The following RGS3 variants were observed in gnomAD, a reference collection of about 807,000 sequenced individuals.
RGS3 encodes the protein regulator of G-protein signalling 3.
Under a neutral mutation model 132.6 loss-of-function variants are expected in RGS3, and 80 were observed. The ratio of observed to expected loss-of-function variants is 0.60; its 90% CI spans 0.50 to 0.73. RGS3 has a LOEUF of 0.73. Among genes scored for constraint, RGS3 ranks in the 30% least tolerant of loss-of-function variants. The probability of loss-of-function intolerance (pLI) is 0.00; values close to 1 mark genes in which losing one functional copy is unlikely to be tolerated. For synonymous variants in RGS3, 598 were observed against 620.6 expected, an observed-to-expected ratio of 0.96 and a Z score of 0.54; for missense variants, 1,382 against 1,530.8, an observed-to-expected ratio of 0.90 and a Z score of 1.62.
intron 6 of RGS3, 59 bp from the exon 5 acceptor site, chr9:113,485,566 C>T: frequency 7.3e-7 from 1 of 1,362,176 alleles, no homozygotes; most frequent in Non-Finnish European, 1.0e-6. Context: ...CTCTATGAGT[C>T]AGCTATGGCC....
At chr9:113,517,507 T>C (rs1302202210) in intron 15 of RGS3, 34 bp from the exon 14 acceptor site, 2 of 1,592,362 alleles carry the variant, frequency 1.3e-6, no homozygotes, top group Non-Finnish European at 1.7e-6. Context: ...CCAGCCTCTT[T>C]TTGAACTGCC....
At chr9:113,573,478 G>A (rs570290011) in intron 19 of RGS3, among the ~76,000 whole-genome samples, 7 of 152,302 alleles carry the variant, frequency 4.6e-5, no homozygotes, top group African/African-American at 7.2e-5. Context: ...TGAGGGAGGC[G>A]GCACATGGAT....
intron 18 of RGS3, among the ~76,000 whole-genome samples, chr9:113,532,501 C>G (rs1255463525): frequency 6.6e-6 from 1 of 152,120 alleles, no homozygotes; most frequent in Middle Eastern, 3.2e-3. Context: ...GCTCTGAGAG[C>G]CAGAGACCCA....
chr9:113,528,574 C>G (rs1832323412), intron 17 of RGS3, among the ~76,000 whole-genome samples: 1 of 152,200 alleles, frequency 6.6e-6, no homozygotes, highest in African/African-American at 2.4e-5. Flanking sequence ...ACCTTAGCTC[C>G]TCTGCTGAAG....
intron 19 of RGS3, chr9:113,581,620 GT>G (rs961837294): frequency 6.6e-6 from 1 of 152,264 alleles, no homozygotes; most frequent in African/African-American, 2.4e-5. Flanking sequence ...AGGCATGCTG[GT>G]TATCCCATTT....
At position 113,591,402 on chromosome 9, in the gene RGS3, G is replaced by A. The variant is rs370071045; in HGVS notation, c.3080+5G>A. On this transcript the variant is annotated splice_donor_5th_base_variant and intron_variant, in intron 21 of 24. Transcript: ENST00000350696. The surrounding 1 kb of genome is among the most constrained non-coding windows in gnomAD (Gnocchi z 4.4). ...GAAGAGAAAGAGCAAAAACCTGTACGTTGGGAAGATCCCTGGCTTCTGCGC... is the reference window on the plus strand; with the variant it reads ...GAAGAGAAAGAGCAAAAACCTGTACATTGGGAAGATCCCTGGCTTCTGCGC... The A allele has an allele frequency of 1.9e-6, 3 of 1,612,862 alleles. No individual in the cohort carries two copies. The highest frequency in any genetic ancestry group is 1.3e-5 in the African/African-American group (1 of 75,016).
intron 19 of RGS3, chr9:113,541,220 G>T (rs1832888155): frequency 2.4e-6 from 3 of 1,263,324 alleles, no homozygotes; most frequent in South Asian, 2.9e-5. Context: ...AGATGCCAGG[G>T]TGTGTGAGTG....
chr9:113,461,011 G>C (rs1438516372), intron 1 of RGS3, among the ~76,000 whole-genome samples: 1 of 152,160 alleles, frequency 6.6e-6, no homozygotes, highest in Non-Finnish European at 1.5e-5. Flanking sequence ...TCAGTGTGAT[G>C]TGTGCTTATA....
At chr9:113,583,678 C>T (rs756466038) in exon 20 of RGS3, 1 of 1,614,054 alleles carries the variant, frequency 6.2e-7, no homozygotes, top group East Asian at 2.2e-5. Flanking sequence ...CCCTCCAGGC[C>T]CAGATGCTCC....
chr9:113,552,399 A>G (rs1486334234), intron 19 of RGS3, among the ~76,000 whole-genome samples: 1 of 151,656 alleles, frequency 6.6e-6, no homozygotes. Context: ...TCATTGCAAG[A>G]CCCGCCTCCC....
At chr9:113,555,471 TA>T (rs950448079) in intron 19 of RGS3, among the ~76,000 whole-genome samples, 2 of 148,032 alleles carry the variant, frequency 1.4e-5, no homozygotes, top group African/African-American at 5.1e-5. Flanking sequence ...CGGTTGTGAC[TA>T]TTTTTTTTTT....
intron 14 of RGS3, among the ~76,000 whole-genome samples, 168 bp downstream of exon 12, chr9:113,508,748 G>A (rs1220945071): frequency 1.3e-5 from 2 of 152,164 alleles, no homozygotes; most frequent in East Asian, 3.8e-4. Context: ...TCTCCCTCAC[G>A]GAACCAATGT....
At chr9:113,586,751 C>T (rs1445633277) in intron 20 of RGS3, among the ~76,000 whole-genome samples, 21 of 152,248 alleles carry the variant, frequency 1.4e-4, no homozygotes, top group Admixed American at 1.4e-3. Flanking sequence ...ACACCGTGGT[C>T]TAGCTCCATC....
At chr9:113,458,320 C>G (rs372848108), upstream of RGS3, among the ~76,000 whole-genome samples, 1 of 152,208 alleles carries the variant, frequency 6.6e-6, no homozygotes, top group Non-Finnish European at 1.5e-5. Flanking sequence ...AAAATGCATC[C>G]TTAGCTCACC....
chr9:113,584,092 G>C (rs1011650613), exon 20 of RGS3: 3 of 1,614,242 alleles, frequency 1.9e-6, no homozygotes, highest in Non-Finnish European at 2.5e-6. Flanking sequence ...GGGGGAGGAA[G>C]GGGAGGAGGA....
intron 19 of RGS3, among the ~76,000 whole-genome samples, chr9:113,567,428 G>A (rs112205426): frequency 0.039 from 5,977 of 152,294 alleles, 160 homozygotes; most frequent in South Asian, 0.1. Context: ...TTGGAGAGGG[G>A]CGTTGCATTG....
In RGS3 at chr9:113,506,555, G is replaced by A; in HGVS notation, c.1085+62G>A. 1 of 1,129,900 alleles carries A rather than the reference G, an allele frequency of 8.9e-7. No homozygotes were observed. The highest frequency in any genetic ancestry group is 1.3e-6 in the Non-Finnish European group (1 of 764,508). The allele number at this position is 1,129,900 out of a possible 1,614,324, so 70.0% of individuals were successfully genotyped here. A position where few individuals can be genotyped will look rare whatever the true frequency, so the allele number is the denominator to read the frequency against. ...TGATGGCACACCCTCCCCACCCCTG[G>A]GCACACTGCCTTGCCTGGCCCAGCT... On this transcript the variant is annotated intron_variant, in intron 12 of 24. Coordinates refer to ENST00000350696, the Ensembl canonical transcript of RGS3. This position sits in a 1 kb window ranked among gnomAD's most constrained non-coding sequence, Gnocchi z 4.7.
At chr9:113,564,442 C>T (rs957429799) in intron 19 of RGS3, among the ~76,000 whole-genome samples, 6 of 152,166 alleles carry the variant, frequency 3.9e-5, no homozygotes, top group Non-Finnish European at 7.4e-5. Context: ...CACAGGTGGG[C>T]AGGTTAAGGT....
chr9:113,492,353 C>G (rs1830547372), intron 7 of RGS3, among the ~76,000 whole-genome samples: 1 of 152,194 alleles, frequency 6.6e-6, no homozygotes, highest in Non-Finnish European at 1.5e-5. Context: ...GCCTGTGAGC[C>G]CTAAACTACC....
Sources: gnomAD v4.1 joint callset for allele counts (sites outside exome capture counted in the v4.1 genomes callset) on GRCh38, gnomAD v4.1.1 for gene constraint, Gnocchi (gnomAD v3.1) non-coding constraint, MANE v1.5 for transcripts, NCBI Gene and HGNC (gene_info 2026-07-23, HGNC 2026-07-21) for gene names.